CDH12: variants seen among roughly 807,000 people sequenced by gnomAD.
The protein encoded by CDH12 is cadherin-12.
A neutral mutation model predicts 74.1 loss-of-function variants in CDH12; 41 were observed. That is an observed-to-expected ratio of 0.55 (90% CI 0.43 to 0.72). The LOEUF is 0.72. Among genes scored for constraint, CDH12 ranks in the 30% least tolerant of loss-of-function variants. The pLI, the probability that CDH12 is intolerant of heterozygous loss-of-function variation, is 0.00. For synonymous variants in CDH12, 399 were observed against 355.0 expected (o/e 1.12, Z -1.39); for missense variants, 945 against 977.2 (o/e 0.97, Z 0.44).
At chr5:21,786,809 A>T (rs1360095201) in intron 10 of CDH12, among the ~76,000 whole-genome samples, 4 of 152,188 alleles carry the variant, frequency 2.6e-5, no homozygotes, top group Admixed American at 6.5e-5. Context: ...TCATGAGAGG[A>T]GGTCAAAATA....
At chr5:22,509,005 C>T (rs904322918) in intron 1 of CDH12, among the ~76,000 whole-genome samples, 2 of 152,142 alleles carry the variant, frequency 1.3e-5, no homozygotes, top group African/African-American at 4.8e-5. Flanking sequence ...AGATCTACTT[C>T]CTATCCGCTT....
At chr5:21,922,424 T>C (rs547285066) in intron 6 of CDH12, among the ~76,000 whole-genome samples, 21 of 152,268 alleles carry the variant, frequency 1.4e-4, no homozygotes, top group African/African-American at 4.8e-4. Flanking sequence ...CGCTGAATTA[T>C]GGGTCATCAA....
chr5:22,813,901 T>C (rs1283134299), intron 1 of CDH12, among the ~76,000 whole-genome samples: 1 of 152,198 alleles, frequency 6.6e-6, no homozygotes, highest in South Asian at 2.1e-4. Context: ...GACCCAGCTA[T>C]GTCATGCCCT....
chr5:21,949,058 A>C (rs1024242575), intron 6 of CDH12, among the ~76,000 whole-genome samples: 9 of 152,204 alleles, frequency 5.9e-5, no homozygotes, highest in African/African-American at 2.2e-4. Flanking sequence ...ACCCAATCTC[A>C]GGTAGTGTCT....
intron 1 of CDH12, among the ~76,000 whole-genome samples, chr5:22,593,236 CT>C (rs1736434595): frequency 1.3e-5 from 2 of 150,894 alleles, no homozygotes; most frequent in Non-Finnish European, 1.5e-5. Flanking sequence ...CATTCTGTCT[CT>C]CTCTCTCTCT....
At chr5:22,170,122 G>A (rs1748933997) in intron 4 of CDH12, among the ~76,000 whole-genome samples, 1 of 151,824 alleles carries the variant, frequency 6.6e-6, no homozygotes, top group South Asian at 2.1e-4. Flanking sequence ...ACCTACAAAG[G>A]CAGAAAGCTG....
At chr5:22,718,806 T>TTCC (rs1429845062) in intron 1 of CDH12, among the ~76,000 whole-genome samples, 3 of 152,166 alleles carry the variant, frequency 2.0e-5, no homozygotes, top group Non-Finnish European at 4.4e-5. Context: ...CTAGGGGGCA[T>TTCC]TCCTCTGTGT....
intron 6 of CDH12, among the ~76,000 whole-genome samples, chr5:21,959,940 A>C (rs998147878): frequency 4.0e-5 from 6 of 150,702 alleles, no homozygotes; most frequent in African/African-American, 9.7e-5. Flanking sequence ...AAAAAAAAAA[A>C]AAAAAGACGA....
intron 6 of CDH12, among the ~76,000 whole-genome samples, chr5:21,913,810 C>T (rs1180209369): frequency 6.6e-6 from 1 of 151,916 alleles, no homozygotes; most frequent in African/African-American, 2.4e-5. Flanking sequence ...CAAGTAGTCC[C>T]TGTAGTGGGA....
chr5:22,509,531 C>T, intron 1 of CDH12, among the ~76,000 whole-genome samples: 1 of 152,126 alleles, frequency 6.6e-6, no homozygotes, highest in African/African-American at 2.4e-5. Context: ...ACTGATGATC[C>T]AGGAAATTTT....
chr5:21,830,861 C>T (rs528182995), intron 8 of CDH12, among the ~76,000 whole-genome samples: 36 of 151,818 alleles, frequency 2.4e-4, no homozygotes, highest in Non-Finnish European at 3.8e-4. Flanking sequence ...GATGGTTAAA[C>T]CCTGTCTCTA....
intron 1 of CDH12, among the ~76,000 whole-genome samples, chr5:22,753,400 G>A (rs1001873353): frequency 3.3e-5 from 5 of 149,648 alleles, no homozygotes; most frequent in Non-Finnish European, 7.4e-5. Context: ...TCGCGCCATT[G>A]CACTTTAGCC....
chr5:21,952,695 T>C (rs1755919925), intron 6 of CDH12, among the ~76,000 whole-genome samples: 1 of 152,134 alleles, frequency 6.6e-6, no homozygotes. Context: ...GAGGATTCGG[T>C]AGTTTGAATA....
chr5:22,406,980 AT>A (rs1373187873), intron 2 of CDH12, among the ~76,000 whole-genome samples: 3 of 151,844 alleles, frequency 2.0e-5, no homozygotes, highest in Non-Finnish European at 2.9e-5. Flanking sequence ...CAAATACATT[AT>A]TTTATTTATA....
In CDH12 at chr5:22,381,054, C is replaced by T. The variant is rs114306507; in HGVS notation, c.-333+24203G>A. Among the ~76,000 whole-genome samples, 1,315 of 151,932 alleles carry T rather than the reference C, an allele frequency of 8.7e-3. 20 individuals are homozygous for T. The highest frequency in any genetic ancestry group is 0.03 in the African/African-American group (1,254 of 41,480). On this transcript the variant is annotated intron_variant, in intron 3 of 14. Transcript: ENST00000382254. ...CTGTGATAATAAAGAAAACAAATTA[C>T]GACAATGTTTGAATTAAAAAAGGCA...
chr5:22,697,097 C>T (rs778284049), intron 1 of CDH12, among the ~76,000 whole-genome samples: 1 of 152,060 alleles, frequency 6.6e-6, no homozygotes, highest in Non-Finnish European at 1.5e-5. Context: ...CTTTAGAGCA[C>T]GATTATAAAA....
At chr5:22,841,534 G>T (rs896833073) in intron 1 of CDH12, among the ~76,000 whole-genome samples, 1 of 152,100 alleles carries the variant, frequency 6.6e-6, no homozygotes, top group African/African-American at 2.4e-5. Context: ...ATATATTTGG[G>T]AGTTTTCAGC....
chr5:22,648,782 C>A (rs1353606672), intron 1 of CDH12, among the ~76,000 whole-genome samples: 1 of 151,732 alleles, frequency 6.6e-6, no homozygotes, highest in Non-Finnish European at 1.5e-5. Context: ...AAGGGTAAAT[C>A]TTAACAACTT....
At chr5:22,111,296 A>G (rs543398940) in intron 4 of CDH12, among the ~76,000 whole-genome samples, 13 of 152,288 alleles carry the variant, frequency 8.5e-5, no homozygotes, top group South Asian at 2.1e-4. Flanking sequence ...AAAATGGGCT[A>G]AAGAGAGATA....
Sources: gnomAD v4.1 joint callset for allele counts (sites outside exome capture counted in the v4.1 genomes callset) on GRCh38, gnomAD v4.1.1 for gene constraint, MANE v1.5 for transcripts, NCBI Gene and HGNC (gene_info 2026-07-23, HGNC 2026-07-21) for gene names.